Variants in TPR observed in about 807,000 individuals in gnomAD.
The protein encoded by TPR is translocated promoter region, nuclear basket protein.
A neutral mutation model predicts 316.1 loss-of-function variants in TPR; 51 were observed. The ratio of observed to expected loss-of-function variants is 0.16; its 90% CI spans 0.13 to 0.20. The LOEUF is 0.20. Among genes scored for constraint, TPR ranks in the 10% least tolerant of loss-of-function variants. TPR has a pLI of 1.00. For missense variants in TPR, 2,272 were observed against 2,754.8 expected, an observed-to-expected ratio of 0.82 and a Z score of 3.92; for synonymous variants, 981 against 914.7, an observed-to-expected ratio of 1.07 and a Z score of -1.31.
intron 30 of TPR, among the ~76,000 whole-genome samples, chr1:186,338,832 G>C (rs1658415303): frequency 6.6e-6 from 1 of 152,066 alleles, no homozygotes; most frequent in Admixed American, 6.6e-5. Context: ...ATTCTGAACT[G>C]AACTTGAAAT....
chr1:186,348,345 G>A (rs1003855797), intron 21 of TPR, among the ~76,000 whole-genome samples: 5 of 152,124 alleles, frequency 3.3e-5, no homozygotes, highest in African/African-American at 9.7e-5. Flanking sequence ...GGCTTACTAG[G>A]GTTGGGAAAA....
At chr1:186,351,494 G>T in intron 19 of TPR, 24 bp from the exon 20 acceptor site, 1 of 1,525,518 alleles carries the variant, frequency 6.6e-7, no homozygotes, top group Admixed American at 2.3e-5. Flanking sequence ...AAGATTTTTG[G>T]TTATGCTTAA....
Position 186,362,351 on chromosome 1 carries a change from G to A in TPR, c.726C>T (p.Gly242=), listed in dbSNP as rs1433518922. 6.2e-7 allele frequency: 1 copy of A among 1,611,964 alleles called. No individual in the cohort carries two copies. Among genetic ancestry groups the A allele is most frequent in the Non-Finnish European group, 8.5e-7 (1 of 1,178,692 alleles). ...EVSRLEEQMN[G]LKTSNEHLQK... ...GAAGATGTTCATTTGATGTTTTTAAGCCATTCATTTGTTCTTCCAGTCTAG... is the reference window on the plus strand; with the variant it reads ...GAAGATGTTCATTTGATGTTTTTAAACCATTCATTTGTTCTTCCAGTCTAG... Residue 242 remains glycine, a synonymous_variant, in exon 7 of 51, where the codon GGC becomes GGT. Transcript: ENST00000367478.
chr1:186,374,641 C>G (rs1571647246), intron 1 of TPR, among the ~76,000 whole-genome samples: 1 of 152,170 alleles, frequency 6.6e-6, no homozygotes, highest in African/African-American at 2.4e-5. Flanking sequence ...AATAAGCGTC[C>G]CTGTATGAGC....
At chr1:186,370,887 C>G (rs147077275) in intron 3 of TPR, 83 bp downstream of exon 3, 8 of 1,205,914 alleles carry the variant, frequency 6.6e-6, no homozygotes, top group Non-Finnish European at 9.7e-6. Flanking sequence ...TTCCCATTGA[C>G]TAATAACTGA....
At chr1:186,323,942 T>G in intron 42 of TPR, 72 bp from the exon 43 acceptor site, 1 of 1,424,930 alleles carries the variant, frequency 7.0e-7, no homozygotes, top group South Asian at 1.4e-5. Flanking sequence ...TCCCTAGAAG[T>G]ATAAATCTTG....
chr1:186,341,659 A>C (rs1279468895), intron 27 of TPR: 5 of 336,256 alleles, frequency 1.5e-5, no homozygotes, highest in Non-Finnish European at 2.1e-5. Context: ...CATTAATCCA[A>C]ATCTCTATTT....
At chr1:186,364,562 A>C (rs1399728134) in intron 4 of TPR, among the ~76,000 whole-genome samples, 1 of 152,220 alleles carries the variant, frequency 6.6e-6, no homozygotes, top group Non-Finnish European at 1.5e-5. Flanking sequence ...GAGGTAAAGC[A>C]AAGTTATTAT....
intron 29 of TPR, among the ~76,000 whole-genome samples, 171 bp downstream of exon 29, chr1:186,340,857 G>T (rs985079254): frequency 6.6e-6 from 1 of 151,974 alleles, no homozygotes; most frequent in African/African-American, 2.4e-5. Context: ...TATAAATTGG[G>T]TTATAAGTTT....
rs1333747873 is a variant in TPR at position 186,358,769 on chromosome 1, A to G, written c.1390-119T>C. 4.8e-5 allele frequency: 36 copies of G among 755,202 alleles called. 1 individual carries two copies. The highest frequency in any genetic ancestry group is 7.4e-5 in the Non-Finnish European group (35 of 472,934). The allele number at this position is 755,202 out of a possible 1,614,324, so 46.8% of individuals were successfully genotyped here. A position where few individuals can be genotyped will look rare whatever the true frequency, so the allele number is the denominator to read the frequency against. On this transcript the variant is annotated intron_variant, in intron 12 of 50. Coordinates refer to ENST00000367478, the MANE Select transcript of TPR (RefSeq NM_003292.3). ...CAACTTATACACTAAATAAAATCCT[A>G]CATAATATTGTAGCCACTAAAAAAG...
In TPR at chr1:186,375,068, G is replaced by C; in HGVS notation, c.-40C>G. The stretch of plus-strand genomic sequence containing the variant: ...GGACCCCAGTGGCAGCGGCCGACGG[G>C]GTAGAAGCGGAGAAGAAAGGCGAAG... On this transcript the variant is annotated 5_prime_UTR_variant, in exon 1 of 51. Transcript: ENST00000367478. 6.2e-7 allele frequency: 1 copy of C among 1,612,966 alleles called. No homozygotes were observed. The highest frequency in any genetic ancestry group is 1.1e-5 in the South Asian group (1 of 91,018).
chr1:186,317,231 T>A (rs184727369), intron 49 of TPR, among the ~76,000 whole-genome samples: 14 of 152,370 alleles, frequency 9.2e-5, no homozygotes, highest in Non-Finnish European at 1.3e-4. Flanking sequence ...ATAGTCTAGA[T>A]GAAACATGAG....
In TPR at chr1:186,312,188, G is replaced by A. The variant is rs761330232; in HGVS notation, c.*1783C>T. 5 of 1,613,666 alleles carry A rather than the reference G, an allele frequency of 3.1e-6. No homozygotes were observed. In the East Asian group the frequency reaches 6.7e-5, roughly 22 times the overall value. On this transcript the variant is annotated 3_prime_UTR_variant, in exon 51 of 51. Transcript: ENST00000367478. ...AATACATAACAGGTGGCAGCATTCA[G>A]CAGTATATTTATAAACAGGAACCTG...
Position 186,313,061 on chromosome 1 carries a change from A to AAAGC in TPR, c.*909_*910insGCTT. The AAAGC allele has an allele frequency of 1.4e-6, 1 of 699,938 alleles. No homozygotes were observed. Among genetic ancestry groups the AAAGC allele is most frequent in the Non-Finnish European group, 2.4e-6 (1 of 416,996 alleles). The allele number at this position is 699,938 out of a possible 1,614,324, so 43.4% of individuals were successfully genotyped here. On this transcript the variant is annotated 3_prime_UTR_variant, in exon 51 of 51. Coordinates refer to ENST00000367478, the MANE Select transcript of TPR (RefSeq NM_003292.3). ...TAAGACTTTTGCTTTAATTTCAATT[A>AAAGC]AAATGATGGCACTGCAATTCAATTC...
chr1:186,318,623 G>GA lies in TPR; in HGVS notation c.6665-21dup. 6.2e-7 allele frequency: 1 copy of GA among 1,603,532 alleles called. No individual in the cohort carries two copies. Among genetic ancestry groups the GA allele is most frequent in the Non-Finnish European group, 8.5e-7 (1 of 1,176,946 alleles). On this transcript the variant is annotated intron_variant, in intron 47 of 50. Coordinates refer to ENST00000367478, the MANE Select transcript of TPR (RefSeq NM_003292.3). ...CAGTCACTTTAAAAAGACAACACAA[G>GA]AAAAAGAACTTTAAAACTTTGTGGT...
At chr1:186,336,451 TA>T in intron 33 of TPR, 44 bp downstream of exon 33, 1 of 1,588,974 alleles carries the variant, frequency 6.3e-7, no homozygotes, top group Middle Eastern at 1.7e-4. Flanking sequence ...CTGCAACACA[TA>T]ATCAACTTTC....
intron 24 of TPR, 103 bp downstream of exon 24, chr1:186,345,477 C>T: frequency 1.1e-6 from 1 of 901,810 alleles, no homozygotes. Context: ...TGGAAATTAT[C>T]TTGAATTTTT....
chr1:186,343,355 T>C lies in TPR; in HGVS notation c.3721A>G (p.Ser1241Gly). 7.4e-6 allele frequency: 12 copies of C among 1,613,888 alleles called. No homozygotes were observed. Among genetic ancestry groups the C allele is most frequent in the Non-Finnish European group, 9.3e-6 (11 of 1,179,918 alleles). ...LERELQELQD[S>G]LNAEREKVQV... ...ACTTTCTCCCTTTCAGCATTTAGACTATCTTGCAGTTCCTGCAGCTCTCTT... is the reference window on the plus strand; with the variant it reads ...ACTTTCTCCCTTTCAGCATTTAGACCATCTTGCAGTTCCTGCAGCTCTCTT... Residue 1241 changes from serine to glycine, a missense_variant, in exon 27 of 51, where the codon AGT becomes GGT. By Grantham distance (56) the Ser-to-Gly change is moderately conservative. Around this residue, in one of 10 missense-constraint regions of TPR, gnomAD observed 757 missense variants for 859.8 expected, o/e 0.88. Coordinates refer to ENST00000367478, the MANE Select transcript of TPR (RefSeq NM_003292.3).
intron 17 of TPR, 71 bp from the exon 18 acceptor site, chr1:186,353,921 C>A: frequency 6.9e-7 from 1 of 1,443,114 alleles, no homozygotes; most frequent in South Asian, 1.3e-5. Context: ...AGAAATTTCA[C>A]AATAGCTTAA....
Sources: gnomAD v4.1 joint callset for allele counts (sites outside exome capture counted in the v4.1 genomes callset) on GRCh38, gnomAD v4.1.1 for gene constraint, gnomAD v4.1.1 regional missense constraint, MANE v1.5 for transcripts, NCBI Gene and HGNC (gene_info 2026-07-23, HGNC 2026-07-21) for gene names.